The following PPP2R2B variants were observed in gnomAD, a reference collection of about 807,000 sequenced individuals.
PPP2R2B encodes protein phosphatase 2 regulatory subunit Bbeta.
PPP2R2B carries 5 observed loss-of-function variants against 46.0 expected under a neutral mutation model. The observed-to-expected ratio is 0.11, with a 90% CI of 0.06 to 0.23. The LOEUF (loss-of-function observed/expected upper bound fraction) is 0.23. Ranked by LOEUF, PPP2R2B falls within the 10% of genes least tolerant of loss-of-function variation. The pLI is 1.00. For missense variants in PPP2R2B, 367 were observed against 575.0 expected, an observed-to-expected ratio of 0.64 and a Z score of 3.70; for synonymous variants, 215 against 206.7, an observed-to-expected ratio of 1.04 and a Z score of -0.34.
At chr5:146,869,561 C>T (rs1458274308) in intron 2 of PPP2R2B, among the ~76,000 whole-genome samples, 3 of 152,116 alleles carry the variant, frequency 2.0e-5, no homozygotes, top group African/African-American at 7.2e-5. Context: ...CTCATTTATG[C>T]AAACATCCTC....
intron 2 of PPP2R2B, among the ~76,000 whole-genome samples, chr5:146,856,826 G>C (rs1456719142): frequency 6.6e-6 from 1 of 152,174 alleles, no homozygotes; most frequent in Non-Finnish European, 1.5e-5. Context: ...CAGACAGAGA[G>C]CCACGGTCTC....
At chr5:146,645,259 T>C (rs1775501719) in intron 6 of PPP2R2B, among the ~76,000 whole-genome samples, 1 of 152,242 alleles carries the variant, frequency 6.6e-6, no homozygotes, top group Admixed American at 6.5e-5. Context: ...AAGCAATGAT[T>C]ATGAAACATA....
intron 1 of PPP2R2B, among the ~76,000 whole-genome samples, chr5:146,900,978 C>T (rs1188424220): frequency 6.6e-6 from 1 of 152,128 alleles, no homozygotes; most frequent in Non-Finnish European, 1.5e-5. Context: ...CTTTTTATGG[C>T]TGCATAGTAT....
chr5:146,876,933 G>C (rs1051312860), intron 2 of PPP2R2B, among the ~76,000 whole-genome samples: 8 of 152,084 alleles, frequency 5.3e-5, no homozygotes, highest in Admixed American at 5.2e-4. Context: ...CTTTTGATTT[G>C]ATTAAATATT....
intron 2 of PPP2R2B, among the ~76,000 whole-genome samples, chr5:146,745,166 G>C (rs75643681): frequency 8.7e-5 from 6 of 68,734 alleles, no homozygotes; most frequent in Non-Finnish European, 1.5e-4. Context: ...AAGACAGAGA[G>C]AGAGAGAGAG....
At chr5:147,060,000 C>T (rs757281980), upstream of PPP2R2B, among the ~76,000 whole-genome samples, 1 of 152,134 alleles carries the variant, frequency 6.6e-6, no homozygotes, top group Non-Finnish European at 1.5e-5. Flanking sequence ...TTCATCCTCA[C>T]AGTTTTTCAT....
intron 2 of PPP2R2B, among the ~76,000 whole-genome samples, chr5:146,802,223 T>C (rs2151306690): frequency 6.6e-6 from 1 of 152,296 alleles, no homozygotes; most frequent in South Asian, 2.1e-4. Flanking sequence ...TTTCCCAAAT[T>C]TGCTTTCCCT....
chr5:146,908,560 C>G (rs1763077214), intron 1 of PPP2R2B, among the ~76,000 whole-genome samples: 1 of 143,292 alleles, frequency 7.0e-6, no homozygotes, highest in Admixed American at 7.1e-5. Flanking sequence ...GTGTGTTAAA[C>G]AATTACTGAG....
chr5:147,079,356 GAT>G (rs10565841), intron 2 of PPP2R2B, among the ~76,000 whole-genome samples: 66,827 of 142,032 alleles, frequency 0.47, 17,346 homozygotes, highest in Middle Eastern at 0.69. Context: ...TACATACAGT[GAT>G]ATATATATAT....
At chr5:146,772,658 T>C (rs912607710) in intron 2 of PPP2R2B, among the ~76,000 whole-genome samples, 1 of 152,088 alleles carries the variant, frequency 6.6e-6, no homozygotes, top group Non-Finnish European at 1.5e-5. Context: ...GGCCTAGCCA[T>C]GGAACTCCTC....
chr5:146,810,686 C>T (rs1427862250), intron 2 of PPP2R2B, among the ~76,000 whole-genome samples: 1 of 152,078 alleles, frequency 6.6e-6, no homozygotes, highest in African/African-American at 2.4e-5. Flanking sequence ...CACTGACTTC[C>T]AGTCTCTATG....
chr5:146,700,256 G>T (rs1165815244), intron 3 of PPP2R2B, among the ~76,000 whole-genome samples: 3 of 152,088 alleles, frequency 2.0e-5, no homozygotes, highest in African/African-American at 4.8e-5. Context: ...AGTGGCAGAT[G>T]GGAGAGCTAC....
At position 146,953,967 on chromosome 5, in the gene PPP2R2B, C is replaced by T. The variant is rs190915387; in HGVS notation, c.79+101698G>A. On this transcript the variant is annotated intron_variant, in intron 1 of 8. Transcript: ENST00000336640. ...GTTCACTAAGAAAGAACTGAAGTCT[C>T]CAGTATTTCTAAATTGGGATATGAA... 1.2e-4 allele frequency among the ~76,000 whole-genome samples: 19 copies of T among 152,208 alleles called. No homozygotes were observed. In the East Asian group the frequency reaches 3.5e-3, roughly 28 times the overall value.
At chr5:146,800,765 G>C (rs1216908835) in intron 2 of PPP2R2B, among the ~76,000 whole-genome samples, 1 of 151,992 alleles carries the variant, frequency 6.6e-6, no homozygotes, top group African/African-American at 2.4e-5. Flanking sequence ...GTTCAAAATA[G>C]GGGGGCTCTC....
chr5:146,701,568 C>T (rs1295781703), intron 2 of PPP2R2B, among the ~76,000 whole-genome samples: 3 of 152,078 alleles, frequency 2.0e-5, no homozygotes, highest in Admixed American at 2.0e-4. Flanking sequence ...TGTGATGAAG[C>T]AGGGTTAGGA....
chr5:147,081,462 T>C, upstream of PPP2R2B: 1 of 625,446 alleles, frequency 1.6e-6, no homozygotes. Flanking sequence ...AGTCATCCCC[T>C]GTGTGACTGG....
chr5:146,961,471 G>T (rs1275976066), intron 1 of PPP2R2B, among the ~76,000 whole-genome samples: 2 of 152,006 alleles, frequency 1.3e-5, no homozygotes, highest in South Asian at 2.1e-4. Context: ...TATTATTTTT[G>T]ATTCTAACTT....
chr5:147,001,794 G>C (rs1029567176), intron 1 of PPP2R2B, among the ~76,000 whole-genome samples: 2 of 152,110 alleles, frequency 1.3e-5, no homozygotes, highest in African/African-American at 4.8e-5. Flanking sequence ...TAAAGACGCG[G>C]GTGCCAGGCT....
intron 4 of PPP2R2B, among the ~76,000 whole-genome samples, chr5:146,692,023 C>T (rs1180944482): frequency 6.6e-6 from 1 of 152,148 alleles, no homozygotes; most frequent in African/African-American, 2.4e-5. Context: ...CCTTTTACTA[C>T]CTGACAATTG....
Sources: gnomAD v4.1 joint callset for allele counts (sites outside exome capture counted in the v4.1 genomes callset) on GRCh38, gnomAD v4.1.1 for gene constraint, MANE v1.5 for transcripts, NCBI Gene and HGNC (gene_info 2026-07-23, HGNC 2026-07-21) for gene names.